Variants in SMYD3 observed in about 807,000 individuals in gnomAD.
SMYD3 encodes histone-lysine N-methyltransferase SMYD3.
A neutral mutation model predicts 57.7 loss-of-function variants in SMYD3; 36 were observed. The ratio of observed to expected loss-of-function variants is 0.62; its 90% CI spans 0.48 to 0.82. SMYD3 has a LOEUF of 0.82. SMYD3 is among the 40% of genes least tolerant of loss of function. The probability of loss-of-function intolerance (pLI) is 0.00; values close to 1 mark genes in which losing one functional copy is unlikely to be tolerated. For missense variants in SMYD3, 515 were observed against 538.8 expected, an observed-to-expected ratio of 0.96 and a Z score of 0.44; for synonymous variants, 211 against 195.0, an observed-to-expected ratio of 1.08 and a Z score of -0.68.
chr1:246,181,099 C>A (rs1042366216), intron 5 of SMYD3, among the ~76,000 whole-genome samples: 2 of 152,154 alleles, frequency 1.3e-5, no homozygotes, highest in African/African-American at 4.8e-5. Flanking sequence ...AGGAACCATG[C>A]GCCTCTGGGA....
intron 5 of SMYD3, chr1:246,113,908 G>A (rs935555963): frequency 2.0e-5 from 3 of 151,998 alleles, no homozygotes; most frequent in South Asian, 2.1e-4. Flanking sequence ...ATTCTGTGCC[G>A]AGTCACCCTC....
rs1161665408 is a variant in SMYD3 at position 246,395,754 on chromosome 1, AGTCAGACAGGGAAGAGGAACCCACCATG to A, written c.165-40688_165-40661del. Among the ~76,000 whole-genome samples the A allele has an allele frequency of 1.6e-3, 220 of 138,500 alleles. 2 individuals carry two copies. The highest frequency in any genetic ancestry group is 4.7e-3 in the African/African-American group (171 of 36,248). The allele number at this position is 138,500 out of a possible 152,430, so 90.9% of individuals were successfully genotyped here. On this transcript the variant is annotated intron_variant, in intron 1 of 11. Transcript: ENST00000490107. The stretch of plus-strand genomic sequence containing the variant: ...CAGACAGGGAAGACGAACCCACCAC[AGTCAGACAGGGAAGAGGAACCCACCATG>A]GTCAGACAGGGAAGAGGAACCCACC...
At chr1:245,936,307 A>T (rs2056975930) in intron 5 of SMYD3, among the ~76,000 whole-genome samples, 2 of 152,254 alleles carry the variant, frequency 1.3e-5, no homozygotes, top group South Asian at 2.1e-4. Context: ...ATCTCAAGAC[A>T]TCTCTAATAT....
rs373818335 is a variant in SMYD3, at chr1:245,749,539, G to T, written c.*24C>A. Reference sequence around the variant, plus strand: ...AAGGCATTCAACAAAGACACACGCCGTATTTCCCTCTGACTGCGTTCCCTT... The same window carrying T: ...AAGGCATTCAACAAAGACACACGCCTTATTTCCCTCTGACTGCGTTCCCTT... On this transcript the variant is annotated 3_prime_UTR_variant, in exon 12 of 12. Coordinates refer to ENST00000490107, the MANE Select transcript of SMYD3 (RefSeq NM_001167740.2). The T allele has an allele frequency of 4.4e-6, 7 of 1,579,782 alleles. No homozygotes were observed. Among genetic ancestry groups the T allele is most frequent in the Non-Finnish European group, 4.4e-6 (5 of 1,148,690 alleles).
intron 5 of SMYD3, among the ~76,000 whole-genome samples, chr1:245,943,874 A>T (rs1315731398): frequency 6.6e-6 from 1 of 152,242 alleles, no homozygotes; most frequent in Non-Finnish European, 1.5e-5. Flanking sequence ...AAATAGAACC[A>T]GTGACAAAAA....
intron 5 of SMYD3, among the ~76,000 whole-genome samples, chr1:246,132,290 T>C (rs992204419): frequency 3.3e-5 from 5 of 152,106 alleles, no homozygotes; most frequent in Admixed American, 2.0e-4. Context: ...TCTGAATTTA[T>C]GTTTTTAAAA....
intron 2 of SMYD3, among the ~76,000 whole-genome samples, chr1:246,346,233 G>A (rs1458505356): frequency 3.3e-5 from 5 of 152,110 alleles, no homozygotes; most frequent in South Asian, 4.2e-4. Context: ...GCAGTGAGCC[G>A]AGACGTTCTA....
intron 1 of SMYD3, among the ~76,000 whole-genome samples, chr1:246,403,581 C>T (rs1228048985): frequency 6.6e-6 from 1 of 152,172 alleles, no homozygotes; most frequent in Non-Finnish European, 1.5e-5. Context: ...ATTCCCTATC[C>T]TTGCTGCCTT....
chr1:246,254,178 C>T (rs1480833728), intron 5 of SMYD3, among the ~76,000 whole-genome samples: 1 of 152,162 alleles, frequency 6.6e-6, no homozygotes, highest in Non-Finnish European at 1.5e-5. Context: ...TCAATTTTTA[C>T]TTTTGTTGCA....
rs2058440733 is a variant in SMYD3 at position 245,976,854 on chromosome 1, TCTAGCCTAGGGAAAG to T, written c.532-46932_532-46918del. ...CTCTAGCCTAGGGAAAGCCATCGTC[TCTAGCCTAGGGAAAG>T]CCATCGTCTCCGGCCCAGGGAAAGC... On this transcript the variant is annotated intron_variant, in intron 5 of 11. Transcript: ENST00000490107. Among the ~76,000 whole-genome samples, 5 of 41,744 alleles carry T rather than the reference TCTAGCCTAGGGAAAG, an allele frequency of 1.2e-4. 1 individual carries two copies. The highest frequency in any genetic ancestry group is 1.8e-4 in the African/African-American group (3 of 16,636). 27.4% of individuals were successfully genotyped at this position (41,744 alleles called of 152,430 possible).
Position 246,257,167 on chromosome 1 carries a change from T to C in SMYD3, c.531+70034A>G, listed in dbSNP as rs553250160. 4.6e-5 allele frequency among the ~76,000 whole-genome samples: 7 copies of C among 152,362 alleles called. No homozygotes were observed. In the East Asian group the frequency reaches 1.2e-3, roughly 25 times the overall value. On this transcript the variant is annotated intron_variant, in intron 5 of 11. Transcript: ENST00000490107. ...ATGAGTGAAGTGTTCTGTAGATGCC[T>C]ATTAAGTCCAATTGGTCAAGTGTTT...
intron 5 of SMYD3, among the ~76,000 whole-genome samples, chr1:246,062,467 A>G (rs1186146857): frequency 6.6e-6 from 1 of 152,220 alleles, no homozygotes; most frequent in Non-Finnish European, 1.5e-5. Flanking sequence ...CCAGAAGAGG[A>G]CAAAAATTGT....
chr1:246,112,400 T>G (rs7545261), intron 5 of SMYD3, among the ~76,000 whole-genome samples: 24,757 of 152,144 alleles, frequency 0.16, 3,598 homozygotes, highest in African/African-American at 0.39. Context: ...TATAAATCGA[T>G]GTTAAAATTT....
rs369805762 is a variant in SMYD3, at chr1:246,432,259, A to G, written c.164+74795T>C. 7.0e-4 allele frequency among the ~76,000 whole-genome samples: 107 copies of G among 152,352 alleles called. 1 individual carries two copies. The highest frequency in any genetic ancestry group is 2.4e-3 in the African/African-American group (99 of 41,582). ...TTATATCCATTCTTTCATTTTAATT[A>G]CTCTAGAGAGTGATTACATATTTAA... On this transcript the variant is annotated intron_variant, in intron 1 of 11. Transcript: ENST00000490107.
chr1:246,087,997 TAAGGAA>T (rs2060748354), intron 5 of SMYD3, among the ~76,000 whole-genome samples: 1 of 152,020 alleles, frequency 6.6e-6, no homozygotes, highest in Admixed American at 6.5e-5. Context: ...ATCTCACTAA[TAAGGAA>T]AAAAAAGAGC....
chr1:245,828,588 G>T (rs2049642075), intron 10 of SMYD3, among the ~76,000 whole-genome samples: 1 of 152,070 alleles, frequency 6.6e-6, no homozygotes, highest in Admixed American at 6.6e-5. Flanking sequence ...ATAGGGCATG[G>T]TGTAATGTTT....
chr1:245,843,562 G>A (rs879342023), intron 10 of SMYD3, among the ~76,000 whole-genome samples: 5,798 of 150,742 alleles, frequency 0.038, 353 homozygotes, highest in African/African-American at 0.13. Flanking sequence ...GTGTGTGTGT[G>A]TGTGTGTGTG....
intron 10 of SMYD3, among the ~76,000 whole-genome samples, chr1:245,775,765 A>C (rs12567813): frequency 0.19 from 29,531 of 151,898 alleles, 3,308 homozygotes; most frequent in East Asian, 0.49. Context: ...TAAGCTGTAT[A>C]AACTGTCTCT....
chr1:246,167,517 T>C (rs547107055), intron 5 of SMYD3, among the ~76,000 whole-genome samples: 3 of 151,410 alleles, frequency 2.0e-5, no homozygotes, highest in African/African-American at 7.3e-5. Flanking sequence ...TTTTTCTTTT[T>C]TTTTTTTTTT....
Sources: allele counts gnomAD v4.1 joint callset (sites outside exome capture counted in the v4.1 genomes callset), GRCh38; gene constraint gnomAD v4.1.1; transcripts MANE v1.5; gene names NCBI Gene and HGNC (gene_info 2026-07-23, HGNC 2026-07-21).